The following COX16 variants were observed in gnomAD, a reference collection of about 807,000 sequenced individuals.
The protein encoded by COX16 is cytochrome c oxidase assembly protein COX16 homolog, mitochondrial.
COX16 carries 12 observed loss-of-function variants against 15.4 expected under a neutral mutation model. That is an observed-to-expected ratio of 0.78 (90% CI 0.50 to 1.26). COX16 has a LOEUF of 1.26. Ranked by LOEUF, COX16 falls within the 50% of genes most tolerant of loss-of-function variation. The pLI, the probability that COX16 is intolerant of heterozygous loss-of-function variation, is 0.00. For synonymous variants in COX16, 46 were observed against 41.1 expected (o/e 1.12, Z -0.46); for missense variants, 124 against 127.6 (o/e 0.97, Z 0.14).
intron 1 of COX16, among the ~76,000 whole-genome samples, chr14:70,348,045 A>C (rs1209350563): frequency 2.6e-5 from 4 of 151,930 alleles, no homozygotes; most frequent in Non-Finnish European, 5.9e-5. Flanking sequence ...CCTCTATACC[A>C]ACGAACGTGT....
rs758965810 is a variant in COX16 at position 70,326,234 on chromosome 14, C to G, written c.*99G>C. 5 of 1,004,782 alleles carry G rather than the reference C, an allele frequency of 5.0e-6. No homozygotes were observed. In the East Asian group the frequency reaches 9.7e-5, roughly 20 times the overall value. 62.2% of individuals were successfully genotyped at this position (1,004,782 alleles called of 1,614,324 possible). On this transcript the variant is annotated 3_prime_UTR_variant, in exon 4 of 4. Coordinates refer to ENST00000389912, the MANE Select transcript of COX16 (RefSeq NM_016468.7). ...TACCCATATCCAAGTTTCCATGGGCCTGGAATTTCCTTTCCACTTGATAGA... is the reference window on the plus strand; with the variant it reads ...TACCCATATCCAAGTTTCCATGGGCGTGGAATTTCCTTTCCACTTGATAGA...
intron 1 of COX16, among the ~76,000 whole-genome samples, chr14:70,353,693 T>C (rs1454385911): frequency 6.6e-6 from 1 of 151,934 alleles, no homozygotes. Context: ...TTTTATATTT[T>C]CAGTAGAGAC....
chr14:70,359,042 G>A (rs117283879), intron 1 of COX16, among the ~76,000 whole-genome samples: 1 of 152,322 alleles, frequency 6.6e-6, no homozygotes, highest in East Asian at 1.9e-4. Flanking sequence ...AAACTAGAAA[G>A]ATGAAACAGA....
chr14:70,333,679 A>G (rs1179071614), intron 2 of COX16, among the ~76,000 whole-genome samples: 1 of 152,258 alleles, frequency 6.6e-6, no homozygotes, highest in Non-Finnish European at 1.5e-5. Context: ...CAAAGAAATA[A>G]TAACAGAAAA....
chr14:70,346,642 C>T (rs1372413097), intron 1 of COX16, among the ~76,000 whole-genome samples: 1 of 152,186 alleles, frequency 6.6e-6, no homozygotes, highest in African/African-American at 2.4e-5. Context: ...TTCATCCGAG[C>T]CAAGGGTAAC....
intron 1 of COX16, among the ~76,000 whole-genome samples, chr14:70,352,631 A>ATTTCTTTTTT: frequency 7.2e-6 from 1 of 139,290 alleles, no homozygotes; most frequent in Admixed American, 7.9e-5. Flanking sequence ...ACACAAATAT[A>ATTTCTTTTTT]TTTCTTTTTT....
rs1464752759 is a variant in COX16 at position 70,342,633 on chromosome 14, G to A, written c.141+25C>T. 11 of 1,605,170 alleles carry A rather than the reference G, an allele frequency of 6.9e-6. No homozygotes were observed. The African/African-American group carries it at 1.3e-4, about 20-fold the overall frequency. On this transcript the variant is annotated intron_variant, in intron 2 of 3. Transcript: ENST00000389912. ...AGAACATACATATAGACAGACACAT[G>A]TCAAACTCTAATTATATTTCTTACT...
chr14:70,337,001 C>T (rs1886476453), intron 2 of COX16, among the ~76,000 whole-genome samples: 1 of 152,112 alleles, frequency 6.6e-6, no homozygotes. Context: ...GTTGAAAGCC[C>T]ATTTTTTCCC....
At chr14:70,349,107 C>G (rs1886867117) in intron 1 of COX16, among the ~76,000 whole-genome samples, 1 of 152,200 alleles carries the variant, frequency 6.6e-6, no homozygotes. Flanking sequence ...CTCCCCAACA[C>G]TTTCCATGTT....
intron 1 of COX16, among the ~76,000 whole-genome samples, chr14:70,347,776 C>T (rs538625310): frequency 5.3e-5 from 8 of 152,238 alleles, no homozygotes; most frequent in East Asian, 1.9e-4. Flanking sequence ...GGCTCACAAC[C>T]GACCACATAT....
intron 2 of COX16, among the ~76,000 whole-genome samples, chr14:70,334,131 TAC>T (rs1886373378): frequency 1.3e-5 from 2 of 152,214 alleles, no homozygotes; most frequent in African/African-American, 2.4e-5. Context: ...GATATACTAA[TAC>T]TGCAATCATG....
chr14:70,347,671 G>A (rs561490038), intron 1 of COX16, among the ~76,000 whole-genome samples: 2 of 152,110 alleles, frequency 1.3e-5, no homozygotes, highest in Admixed American at 1.3e-4. Context: ...TAAACTTCTT[G>A]GCAGAACGGA....
intron 1 of COX16, among the ~76,000 whole-genome samples, chr14:70,348,844 TCA>T (rs1375765677): frequency 6.6e-6 from 1 of 152,164 alleles, no homozygotes; most frequent in Non-Finnish European, 1.5e-5. Flanking sequence ...CTGCCTTCAT[TCA>T]TTGCAGGGGC....
chr14:70,349,883 C>T (rs1182121441), intron 1 of COX16, among the ~76,000 whole-genome samples: 1 of 152,168 alleles, frequency 6.6e-6, no homozygotes, highest in African/African-American at 2.4e-5. Context: ...GTCCTCTCAA[C>T]ATAACTGTCT....
chr14:70,355,895 T>C (rs796104571), intron 1 of COX16, among the ~76,000 whole-genome samples: 2 of 152,058 alleles, frequency 1.3e-5, no homozygotes, highest in South Asian at 4.1e-4. Flanking sequence ...TCTCACTCTA[T>C]TAGTTCCCTT....
chr14:70,329,721 CA>C (rs199721497), intron 2 of COX16, among the ~76,000 whole-genome samples: 15,286 of 117,738 alleles, frequency 0.13, 941 homozygotes, highest in East Asian at 0.42. Flanking sequence ...AGATATCTAC[CA>C]AAAAAAAAAA....
chr14:70,336,067 T>C (rs1886444002), intron 2 of COX16, among the ~76,000 whole-genome samples: 1 of 152,040 alleles, frequency 6.6e-6, no homozygotes, highest in South Asian at 2.1e-4. Context: ...CCATCTTGGC[T>C]AACACAGTGA....
intron 1 of COX16, among the ~76,000 whole-genome samples, chr14:70,344,507 T>C (rs1031507568): frequency 1.3e-5 from 2 of 152,250 alleles, no homozygotes; most frequent in African/African-American, 4.8e-5. Flanking sequence ...GGTTTCAGTA[T>C]TGCTACAAAA....
chr14:70,329,347 C>A, intron 2 of COX16, 111 bp from the exon 3 acceptor site: 9 of 850,682 alleles, frequency 1.1e-5, no homozygotes, highest in Admixed American at 3.1e-5. Flanking sequence ...AATACAAACA[C>A]ATGGCAAAAT....
Sources: allele counts gnomAD v4.1 joint callset (sites outside exome capture counted in the v4.1 genomes callset), GRCh38; gene constraint gnomAD v4.1.1; transcripts MANE v1.5; gene names NCBI Gene and HGNC (gene_info 2026-07-23, HGNC 2026-07-21).